Variants in DLG2 observed in about 807,000 individuals in gnomAD.
The protein encoded by DLG2 is disks large homolog 2.
DLG2 carries 45 observed loss-of-function variants against 132.5 expected under a neutral mutation model. The observed-to-expected ratio is 0.34, with a 90% confidence interval of 0.27 to 0.44. The LOEUF (loss-of-function observed/expected upper bound fraction) is 0.44. DLG2 is among the 20% of genes least tolerant of loss of function. DLG2 has a pLI of 1.00. For synonymous variants in DLG2, 424 were observed against 419.6 expected, an observed-to-expected ratio of 1.01 and a Z score of -0.13; for missense variants, 1,045 against 1,196.9, an observed-to-expected ratio of 0.87 and a Z score of 1.87.
rs553515134 is a variant in DLG2 at position 83,947,347 on chromosome 11, C to A, written c.1340+15538G>T. Among the ~76,000 whole-genome samples, 3 of 152,216 alleles carry A rather than the reference C, an allele frequency of 2.0e-5. No homozygotes were observed. The South Asian group carries it at 6.2e-4, about 32-fold the overall frequency. ...TTTTTGACAGATTCTTCTTAATTAA[C>A]ATCAGTATATGTTTTTAAAAGGCAT... On this transcript the variant is annotated intron_variant, in intron 14 of 27. Transcript: ENST00000376104.
chr11:83,462,924 CT>C (rs1005089519), intron 26 of DLG2, among the ~76,000 whole-genome samples: 12 of 151,964 alleles, frequency 7.9e-5, no homozygotes, highest in African/African-American at 2.9e-4. Flanking sequence ...GCAGCTTTAT[CT>C]TTCCGGGTCT....
At chr11:85,261,706 G>T (rs1257299868) in intron 4 of DLG2, among the ~76,000 whole-genome samples, 1 of 152,160 alleles carries the variant, frequency 6.6e-6, no homozygotes, top group African/African-American at 2.4e-5. Context: ...GCATTTGAAG[G>T]TGAAACTGCT....
chr11:83,722,493 G>C (rs1253533148), intron 18 of DLG2, among the ~76,000 whole-genome samples: 1 of 152,112 alleles, frequency 6.6e-6, no homozygotes, highest in Non-Finnish European at 1.5e-5. Flanking sequence ...ATGGGGGTGA[G>C]CTCCAACTCT....
intron 3 of DLG2, among the ~76,000 whole-genome samples, chr11:85,362,991 C>T (rs1220574121): frequency 6.6e-6 from 1 of 152,118 alleles, no homozygotes; most frequent in Non-Finnish European, 1.5e-5. Flanking sequence ...GGCATAGTAA[C>T]AAAGCTTGCA....
intron 6 of DLG2, among the ~76,000 whole-genome samples, chr11:84,970,746 T>G (rs1204039426): frequency 1.3e-5 from 2 of 152,190 alleles, no homozygotes; most frequent in East Asian, 3.8e-4. Flanking sequence ...CCTAATGGCT[T>G]CCACCAAAAT....
chr11:85,484,591 A>C (rs1192513895), intron 3 of DLG2, among the ~76,000 whole-genome samples: 1 of 152,112 alleles, frequency 6.6e-6, no homozygotes, highest in Admixed American at 6.5e-5. Flanking sequence ...GCCAAAAAAC[A>C]CATGAAAAAA....
intron 3 of DLG2, among the ~76,000 whole-genome samples, chr11:85,454,837 T>A (rs1322969634): frequency 6.6e-6 from 1 of 152,116 alleles, no homozygotes; most frequent in Non-Finnish European, 1.5e-5. Flanking sequence ...GATCAGATAG[T>A]TTTAGGTGTG....
chr11:83,992,174 C>A (rs1178239185), intron 11 of DLG2, among the ~76,000 whole-genome samples: 1 of 152,170 alleles, frequency 6.6e-6, no homozygotes, highest in Non-Finnish European at 1.5e-5. Context: ...ACTCATTAAA[C>A]ACTTACTGAT....
At chr11:84,824,774 T>C (rs1030647675) in intron 6 of DLG2, among the ~76,000 whole-genome samples, 1 of 151,888 alleles carries the variant, frequency 6.6e-6, no homozygotes, top group Non-Finnish European at 1.5e-5. Context: ...AATGTGTGGC[T>C]CAGGCTTAAG....
intron 21 of DLG2, among the ~76,000 whole-genome samples, chr11:83,519,672 C>A (rs2095413769): frequency 3.3e-5 from 5 of 152,166 alleles, no homozygotes; most frequent in Admixed American, 3.3e-4. Flanking sequence ...GTATTGTTAT[C>A]ACATTTAAAA....
At chr11:83,698,061 C>T (rs958848431) in intron 18 of DLG2, among the ~76,000 whole-genome samples, 2 of 152,164 alleles carry the variant, frequency 1.3e-5, no homozygotes, top group Non-Finnish European at 2.9e-5. Flanking sequence ...TTGGATAAGT[C>T]ATTGAGTCTC....
intron 6 of DLG2, among the ~76,000 whole-genome samples, chr11:84,847,774 T>C (rs1173252341): frequency 1.3e-5 from 2 of 152,146 alleles, no homozygotes; most frequent in Admixed American, 6.5e-5. Context: ...CTCAATGATA[T>C]TGCCCCACAG....
chr11:85,088,440 T>C (rs2068274233), intron 6 of DLG2, among the ~76,000 whole-genome samples: 1 of 152,222 alleles, frequency 6.6e-6, no homozygotes, highest in South Asian at 2.1e-4. Flanking sequence ...TCAGCGGCTT[T>C]GCACTAGGAT....
At chr11:85,615,181 T>C (rs1365544897) in intron 2 of DLG2, among the ~76,000 whole-genome samples, 1 of 152,172 alleles carries the variant, frequency 6.6e-6, no homozygotes, top group Admixed American at 6.6e-5. Flanking sequence ...AGGGGAATGA[T>C]AGAAAATGTG....
chr11:83,669,241 T>C (rs2076404728), intron 18 of DLG2, among the ~76,000 whole-genome samples: 1 of 152,186 alleles, frequency 6.6e-6, no homozygotes. Context: ...TACTCATTCC[T>C]ATTAATTTAC....
intron 7 of DLG2, among the ~76,000 whole-genome samples, chr11:84,269,706 T>C (rs192001303): frequency 3.3e-5 from 5 of 152,326 alleles, no homozygotes; most frequent in Admixed American, 3.3e-4. Flanking sequence ...AATGAATTAA[T>C]AGTATTGCGA....
chr11:83,748,069 T>A (rs936052457), intron 18 of DLG2, among the ~76,000 whole-genome samples: 1 of 152,174 alleles, frequency 6.6e-6, no homozygotes, highest in African/African-American at 2.4e-5. Flanking sequence ...GGCTTGAGAA[T>A]CCCCATCTTT....
At chr11:83,829,529 G>T (rs2053860951) in intron 17 of DLG2, among the ~76,000 whole-genome samples, 1 of 152,038 alleles carries the variant, frequency 6.6e-6, no homozygotes, top group Non-Finnish European at 1.5e-5. Flanking sequence ...TTTTTGCTTT[G>T]CATTTTCCAG....
intron 6 of DLG2, among the ~76,000 whole-genome samples, chr11:84,570,665 C>T (rs567296850): frequency 2.6e-5 from 4 of 152,266 alleles, no homozygotes; most frequent in African/African-American, 7.2e-5. Context: ...ACTTCTAGAG[C>T]CTAGATCTGC....
Sources: gnomAD v4.1 joint callset for allele counts (sites outside exome capture counted in the v4.1 genomes callset) on GRCh38, gnomAD v4.1.1 for gene constraint, MANE v1.5 for transcripts, NCBI Gene and HGNC (gene_info 2026-07-23, HGNC 2026-07-21) for gene names.